PTPRG: variants seen among roughly 807,000 people sequenced by gnomAD.
PTPRG encodes the protein receptor-type tyrosine-protein phosphatase gamma.
PTPRG carries 102 observed loss-of-function variants against 165.3 expected under a neutral mutation model. The observed-to-expected ratio is 0.62, with a 90% confidence interval of 0.53 to 0.73. The LOEUF (loss-of-function observed/expected upper bound fraction) is 0.73. Ranked by LOEUF, PTPRG falls within the 30% of genes least tolerant of loss-of-function variation. PTPRG has a pLI of 0.00. For synonymous variants in PTPRG, 675 were observed against 669.5 expected, an observed-to-expected ratio of 1.01 and a Z score of -0.13; for missense variants, 1,866 against 1,861.4, an observed-to-expected ratio of 1.00 and a Z score of -0.05.
intron 1 of PTPRG, among the ~76,000 whole-genome samples, chr3:61,733,009 T>C (rs1354298421): frequency 2.0e-5 from 3 of 152,198 alleles, no homozygotes; most frequent in Non-Finnish European, 4.4e-5. Context: ...TTTATTATAG[T>C]ATTTTTAGTG....
intron 1 of PTPRG, chr3:61,659,270 G>A: frequency 2.0e-6 from 2 of 977,658 alleles, no homozygotes; most frequent in African/African-American, 1.7e-5. Context: ...CATATACAAT[G>A]TATGTTTTCT....
intron 8 of PTPRG, among the ~76,000 whole-genome samples, chr3:62,172,649 G>A (rs536475766): frequency 2.0e-5 from 3 of 152,170 alleles, no homozygotes; most frequent in Non-Finnish European, 4.4e-5. Flanking sequence ...ACAGCCTGGA[G>A]GGCTTAGATT....
chr3:61,592,645 C>CT (rs1267860858), intron 1 of PTPRG, among the ~76,000 whole-genome samples: 4 of 140,878 alleles, frequency 2.8e-5, no homozygotes, highest in African/African-American at 1.1e-4. Context: ...TTCTTTCTTT[C>CT]TTTCTTTTTT....
At chr3:62,026,476 A>G (rs182198005) in intron 4 of PTPRG, among the ~76,000 whole-genome samples, 1 of 152,320 alleles carries the variant, frequency 6.6e-6, no homozygotes, top group Non-Finnish European at 1.5e-5. Context: ...GAGTTAGAGC[A>G]TGAGATTTGA....
intron 1 of PTPRG, among the ~76,000 whole-genome samples, chr3:61,702,581 T>G (rs1351078569): frequency 6.6e-6 from 1 of 152,160 alleles, no homozygotes; most frequent in Non-Finnish European, 1.5e-5. Flanking sequence ...TGTGGCTCAG[T>G]GTGTTTCTAT....
chr3:62,110,948 G>A (rs1702648354), intron 5 of PTPRG, among the ~76,000 whole-genome samples: 1 of 152,206 alleles, frequency 6.6e-6, no homozygotes, highest in Non-Finnish European at 1.5e-5. Context: ...ATTACTGGAA[G>A]CAAGCTGTGT....
intron 2 of PTPRG, among the ~76,000 whole-genome samples, chr3:61,798,612 G>T (rs2035131060): frequency 7.8e-6 from 1 of 127,812 alleles, no homozygotes; most frequent in Non-Finnish European, 1.7e-5. Flanking sequence ...TGTTGTTGTT[G>T]CTGCTGGTTT....
intron 4 of PTPRG, among the ~76,000 whole-genome samples, chr3:62,052,443 C>G (rs1241899523): frequency 6.6e-6 from 1 of 152,194 alleles, no homozygotes; most frequent in Non-Finnish European, 1.5e-5. Flanking sequence ...GCCTGTAATC[C>G]CAGTGCTTTG....
rs1361839050 is a variant in PTPRG at position 62,263,102 on chromosome 3, G to A, written c.2656+208G>A. Reference sequence around the variant, plus strand: ...TCATTAGGCTGTCAGGGCTCAGCGAGCTTAATAAGGTGACTGAAAGAAAAT... The same window carrying A: ...TCATTAGGCTGTCAGGGCTCAGCGAACTTAATAAGGTGACTGAAAGAAAAT... On this transcript the variant is annotated intron_variant, in intron 17 of 29. Coordinates refer to ENST00000474889, the MANE Select transcript of PTPRG (RefSeq NM_002841.4). 6.4e-6 allele frequency: 3 copies of A among 472,390 alleles called. No homozygotes were observed. The East Asian group carries it at 1.1e-4, about 17-fold the overall frequency. 29.3% of individuals were successfully genotyped at this position (472,390 alleles called of 1,614,324 possible).
intron 14 of PTPRG, 195 bp from the exon 15 acceptor site, chr3:62,243,612 T>C: frequency 2.2e-6 from 1 of 450,056 alleles, no homozygotes; most frequent in Admixed American, 4.0e-5. Flanking sequence ...ATAAAAAAAA[T>C]GGATATGCTG....
chr3:62,121,125 T>A (rs1361731313), intron 5 of PTPRG, among the ~76,000 whole-genome samples: 1 of 151,298 alleles, frequency 6.6e-6, no homozygotes, highest in African/African-American at 2.4e-5. Flanking sequence ...TTTTTTTTTT[T>A]TGTATTTTTA....
At chr3:62,052,193 A>G (rs1341847811) in intron 4 of PTPRG, among the ~76,000 whole-genome samples, 2 of 152,222 alleles carry the variant, frequency 1.3e-5, no homozygotes, top group South Asian at 2.1e-4. Context: ...AATGTTAAAG[A>G]TTAGCACGAT....
intron 4 of PTPRG, among the ~76,000 whole-genome samples, chr3:62,066,620 G>C (rs560336725): frequency 7.2e-5 from 11 of 152,310 alleles, no homozygotes; most frequent in African/African-American, 2.4e-4. Context: ...AAGCTCCACT[G>C]CATTTCAGAA....
chr3:61,842,673 T>A (rs2036672502), intron 2 of PTPRG, among the ~76,000 whole-genome samples: 1 of 134,518 alleles, frequency 7.4e-6, no homozygotes, highest in South Asian at 2.5e-4. Context: ...CTCAGGGCAA[T>A]GTATGTGTGG....
In PTPRG at chr3:62,267,472, A is replaced by G. The variant is rs1443077220; in HGVS notation, c.2719A>G (p.Ile907Val). The G allele has an allele frequency of 8.7e-6, 14 of 1,611,350 alleles. No homozygotes were observed. Among genetic ancestry groups the G allele is most frequent in the Admixed American group, 1.7e-5 (1 of 59,922 alleles). The change falls in exon 18 of 30, where the codon ATT (isoleucine) becomes GTT (valine). Residue 907 changes from isoleucine (I) to valine (V), a missense_variant. This residue lies in a region of PTPRG where 1,452 missense variants were observed against 1,463.0 expected (regional missense o/e 0.99). Transcript: ENST00000474889. ...AAAAGACTCTAAGCACAGCGACTACATTAATGCAAACTATGTTGATGTAAG... is the reference window on the plus strand; with the variant it reads ...AAAAGACTCTAAGCACAGCGACTACGTTAATGCAAACTATGTTGATGTAAG... ...PGKDSKHSDY[I>V]NANYVDGYNK...
intron 4 of PTPRG, among the ~76,000 whole-genome samples, chr3:62,044,800 A>G (rs1394102638): frequency 6.6e-6 from 1 of 152,026 alleles, no homozygotes; most frequent in African/African-American, 2.4e-5. Flanking sequence ...CTTTTCACCC[A>G]TTGGAATTAA....
intron 4 of PTPRG, among the ~76,000 whole-genome samples, chr3:62,029,277 T>A (rs1172786783): frequency 6.6e-6 from 1 of 152,022 alleles, no homozygotes; most frequent in Middle Eastern, 3.2e-3. Context: ...CAGGTCCGAG[T>A]TAGAGTCCAT....
intron 1 of PTPRG, among the ~76,000 whole-genome samples, chr3:61,644,166 C>T (rs1428848183): frequency 6.6e-6 from 1 of 152,170 alleles, no homozygotes; most frequent in African/African-American, 2.4e-5. Context: ...CCTACTGTGT[C>T]AGGCCTCTGT....
chr3:61,889,462 T>C (rs1389250588), intron 2 of PTPRG, among the ~76,000 whole-genome samples: 1 of 152,250 alleles, frequency 6.6e-6, no homozygotes, highest in Non-Finnish European at 1.5e-5. Context: ...CATGTCTAAC[T>C]TGATTAGCAA....
Sources: gnomAD v4.1 joint callset for allele counts (sites outside exome capture counted in the v4.1 genomes callset) on GRCh38, gnomAD v4.1.1 for gene constraint, gnomAD v4.1.1 regional missense constraint, MANE v1.5 for transcripts, NCBI Gene and HGNC (gene_info 2026-07-23, HGNC 2026-07-21) for gene names.